PHF24: variants seen among roughly 807,000 people sequenced by gnomAD.
PHF24 encodes the protein PHD finger protein 24.
Under a neutral mutation model 42.6 loss-of-function variants are expected in PHF24, and 25 were observed. The observed-to-expected ratio is 0.59, with a 90% confidence interval of 0.43 to 0.82. PHF24 has a LOEUF of 0.82. Among genes scored for constraint, PHF24 ranks in the 40% least tolerant of loss-of-function variants. The pLI is 0.00. For synonymous variants in PHF24, 185 were observed against 204.8 expected, an observed-to-expected ratio of 0.90 and a Z score of 0.83; for missense variants, 470 against 538.1, an observed-to-expected ratio of 0.87 and a Z score of 1.25.
the PHF24 span, among the ~76,000 whole-genome samples, chr9:34,766,444 A>C: frequency 2.0e-5 from 3 of 151,876 alleles, no homozygotes; most frequent in African/African-American, 7.3e-5. Flanking sequence ...GCTTCATTTC[A>C]TTCATTTCAT....
At chr9:34,812,681 G>A in the PHF24 span, among the ~76,000 whole-genome samples, 1 of 152,044 alleles carries the variant, frequency 6.6e-6, no homozygotes, top group Non-Finnish European at 1.5e-5. Context: ...CCTCAGCCCT[G>A]TCTGGCCCAC....
the PHF24 span, chr9:34,917,653 T>G: frequency 1.3e-6 from 1 of 778,722 alleles, no homozygotes; most frequent in East Asian, 2.4e-5. Context: ...GGCCTCAGAC[T>G]CCATATTACT....
the PHF24 span, among the ~76,000 whole-genome samples, chr9:34,814,882 A>G: frequency 1.3e-5 from 2 of 152,168 alleles, no homozygotes; most frequent in Non-Finnish European, 2.9e-5. Context: ...CTGGGATTAT[A>G]GGCGCCCGCC....
At chr9:34,919,861 C>T in the PHF24 span, among the ~76,000 whole-genome samples, 1,391 of 152,230 alleles carry the variant, frequency 9.1e-3, 68 homozygotes, top group East Asian at 0.15. Flanking sequence ...AGTCCATCCA[C>T]GCTATTGCAA....
the PHF24 span, among the ~76,000 whole-genome samples, chr9:34,905,035 C>A: frequency 6.6e-6 from 1 of 152,024 alleles, no homozygotes; most frequent in African/African-American, 2.4e-5. Flanking sequence ...GTTGGAGTTA[C>A]ATTTATCACT....
chr9:34,722,471 C>T, the PHF24 span, among the ~76,000 whole-genome samples: 228 of 152,244 alleles, frequency 1.5e-3, no homozygotes, highest in African/African-American at 5.2e-3. Flanking sequence ...GAATATTGGA[C>T]TTCTAAGTTT....
At chr9:34,906,856 A>G in the PHF24 span, among the ~76,000 whole-genome samples, 88 of 152,326 alleles carry the variant, frequency 5.8e-4, no homozygotes, top group African/African-American at 2.0e-3. Flanking sequence ...CCACTGGAGA[A>G]GAGAAGAAAT....
the PHF24 span, among the ~76,000 whole-genome samples, chr9:34,938,581 GT>G: frequency 2.0e-5 from 3 of 152,180 alleles, no homozygotes; most frequent in African/African-American, 7.2e-5. Flanking sequence ...CCCTGTGCAA[GT>G]TACTGAACTT....
the PHF24 span, among the ~76,000 whole-genome samples, chr9:34,765,591 T>C: frequency 1.3e-5 from 2 of 148,624 alleles, no homozygotes; most frequent in African/African-American, 2.5e-5. Flanking sequence ...AGCCTATGTG[T>C]GTCTCTGCAC....
At chr9:34,708,022 G>A in the PHF24 span, among the ~76,000 whole-genome samples, 8 of 152,060 alleles carry the variant, frequency 5.3e-5, no homozygotes, top group Non-Finnish European at 1.2e-4. Context: ...GAGCCACCGC[G>A]CCCGGCCTTG....
At chr9:34,776,580 T>C in the PHF24 span, among the ~76,000 whole-genome samples, 546 of 152,378 alleles carry the variant, frequency 3.6e-3, 7 homozygotes, top group Middle Eastern at 0.037. Flanking sequence ...AGCAAATTTC[T>C]CATTCATATC....
chr9:34,784,630 T>C, the PHF24 span, among the ~76,000 whole-genome samples: 1 of 152,246 alleles, frequency 6.6e-6, no homozygotes, highest in Non-Finnish European at 1.5e-5. Flanking sequence ...CATAAACTTA[T>C]CTGACGATTT....
At chr9:34,718,329 C>A in the PHF24 span, among the ~76,000 whole-genome samples, 1 of 152,190 alleles carries the variant, frequency 6.6e-6, no homozygotes, top group South Asian at 2.1e-4. Flanking sequence ...TTCCCAGGCC[C>A]CCCTCTCCCT....
chr9:34,843,139 T>C, the PHF24 span, among the ~76,000 whole-genome samples: 15 of 152,234 alleles, frequency 9.9e-5, no homozygotes, highest in African/African-American at 3.4e-4. Flanking sequence ...GTTGGATTGT[T>C]TTCATCCTTA....
the PHF24 span, among the ~76,000 whole-genome samples, chr9:34,739,565 G>A: frequency 2.0e-5 from 3 of 152,190 alleles, no homozygotes; most frequent in Non-Finnish European, 2.9e-5. Flanking sequence ...AAGGTGGCGC[G>A]TCTGGAGTTT....
At chr9:34,805,151 A>G in the PHF24 span, among the ~76,000 whole-genome samples, 1 of 152,232 alleles carries the variant, frequency 6.6e-6, no homozygotes, top group African/African-American at 2.4e-5. Flanking sequence ...GCTATTATAA[A>G]TAATGCTGCC....
chr9:34,762,149 A>G, the PHF24 span, among the ~76,000 whole-genome samples: 2 of 152,144 alleles, frequency 1.3e-5, no homozygotes, highest in African/African-American at 2.4e-5. Flanking sequence ...TAGTGCTGCA[A>G]TAAACATACG....
chr9:34,682,722 C>T, the PHF24 span, among the ~76,000 whole-genome samples: 1 of 152,206 alleles, frequency 6.6e-6, no homozygotes, highest in Non-Finnish European at 1.5e-5. Context: ...CCAGCCCCCT[C>T]TGCACTAGGA....
chr9:34,972,126 C>T (rs370304685), intron 2 of PHF24, among the ~76,000 whole-genome samples: 1 of 152,156 alleles, frequency 6.6e-6, no homozygotes, highest in South Asian at 2.1e-4. Flanking sequence ...GCTAGTAGCT[C>T]CCTGTTCATA....
Sources: gnomAD v4.1 joint callset for allele counts (sites outside exome capture counted in the v4.1 genomes callset) on GRCh38, gnomAD v4.1.1 for gene constraint, MANE v1.5 for transcripts, NCBI Gene and HGNC (gene_info 2026-07-23, HGNC 2026-07-21) for gene names.